SND1: variants seen among roughly 807,000 people sequenced by gnomAD.
SND1 encodes the protein staphylococcal nuclease and tudor domain containing 1.
Under a neutral mutation model 121.7 loss-of-function variants are expected in SND1, and 38 were observed. The observed-to-expected ratio is 0.31, with a 90% confidence interval of 0.24 to 0.41. The LOEUF is 0.41. Among genes scored for constraint, SND1 ranks in the 10% least tolerant of loss-of-function variants. The pLI is 1.00. For missense variants in SND1, 868 were observed against 1,184.6 expected, an observed-to-expected ratio of 0.73 and a Z score of 3.92; for synonymous variants, 401 against 447.4, an observed-to-expected ratio of 0.90 and a Z score of 1.31.
At chr7:127,673,905 T>A (rs567406460) in intron 1 of SND1, among the ~76,000 whole-genome samples, 11 of 152,336 alleles carry the variant, frequency 7.2e-5, no homozygotes, top group African/African-American at 1.7e-4. Context: ...CATATTGTAC[T>A]TTCCCTGCCG....
At chr7:127,701,122 G>A (rs777066832) in intron 4 of SND1, 41 bp from the exon 5 acceptor site, 1 of 1,605,628 alleles carries the variant, frequency 6.2e-7, no homozygotes, top group South Asian at 1.1e-5. Flanking sequence ...ATTTCTGTTT[G>A]TGAACTCACT....
intron 10 of SND1, among the ~76,000 whole-genome samples, chr7:127,795,618 T>C (rs950043217): frequency 6.6e-6 from 1 of 152,174 alleles, no homozygotes; most frequent in African/African-American, 2.4e-5. Context: ...ATAAGTAATA[T>C]AATTCATTAT....
chr7:128,007,176 A>G (rs905216261), intron 16 of SND1, among the ~76,000 whole-genome samples: 15 of 152,174 alleles, frequency 9.9e-5, no homozygotes, highest in Non-Finnish European at 7.3e-5. Context: ...GATCATTAAT[A>G]AACCATTCTG....
At chr7:127,729,181 C>T (rs918257283) in intron 10 of SND1, among the ~76,000 whole-genome samples, 5 of 152,120 alleles carry the variant, frequency 3.3e-5, no homozygotes, top group Non-Finnish European at 5.9e-5. Context: ...TCTTTCAGCA[C>T]CTCTACTCTG....
At chr7:127,702,110 T>G (rs1796115101) in intron 5 of SND1, among the ~76,000 whole-genome samples, 1 of 152,220 alleles carries the variant, frequency 6.6e-6, no homozygotes, top group South Asian at 2.1e-4. Context: ...TTACCAATCT[T>G]AAGTTACTAA....
chr7:127,761,449 A>G (rs1052105895), intron 10 of SND1, among the ~76,000 whole-genome samples: 4 of 151,304 alleles, frequency 2.6e-5, no homozygotes, highest in Non-Finnish European at 5.9e-5. Context: ...GTTAGCTGAG[A>G]AAGTATCAAC....
intron 11 of SND1, among the ~76,000 whole-genome samples, chr7:127,837,010 C>G (rs2116634102): frequency 6.6e-6 from 1 of 152,174 alleles, no homozygotes; most frequent in Non-Finnish European, 1.5e-5. Flanking sequence ...TGTGGCTTAT[C>G]TTTGTAATCT....
chr7:127,723,346 G>A (rs1796528552), intron 10 of SND1, among the ~76,000 whole-genome samples: 1 of 152,062 alleles, frequency 6.6e-6, no homozygotes, highest in Non-Finnish European at 1.5e-5. Flanking sequence ...AGAATTTCTT[G>A]TCTCTTACAA....
At chr7:128,018,442 G>A (rs1803274946) in intron 16 of SND1, among the ~76,000 whole-genome samples, 1 of 152,204 alleles carries the variant, frequency 6.6e-6, no homozygotes, top group Admixed American at 6.5e-5. Context: ...CCTTTGGCCA[G>A]GAAGGGCAGT....
At chr7:127,811,343 G>A (rs918741294) in intron 11 of SND1, among the ~76,000 whole-genome samples, 1 of 152,196 alleles carries the variant, frequency 6.6e-6, no homozygotes, top group Non-Finnish European at 1.5e-5. Context: ...CTTTTAGGGT[G>A]TGGAGATGGA....
At chr7:127,738,939 A>G (rs938308202) in intron 10 of SND1, among the ~76,000 whole-genome samples, 2 of 152,202 alleles carry the variant, frequency 1.3e-5, no homozygotes, top group Non-Finnish European at 2.9e-5. Flanking sequence ...CTTACGAGCC[A>G]GTAGAGGGCT....
At chr7:127,917,921 A>G (rs976503026) in intron 14 of SND1, among the ~76,000 whole-genome samples, 3 of 152,224 alleles carry the variant, frequency 2.0e-5, no homozygotes, top group Non-Finnish European at 4.4e-5. Flanking sequence ...ATGTAGAACA[A>G]TTAATTATAA....
chr7:128,078,949 G>A (rs540555953), intron 17 of SND1, among the ~76,000 whole-genome samples: 9 of 152,354 alleles, frequency 5.9e-5, no homozygotes, highest in South Asian at 2.1e-4. Flanking sequence ...AGCAGAGGAC[G>A]TGCTGAGGGA....
intron 15 of SND1, among the ~76,000 whole-genome samples, chr7:127,958,085 G>C (rs750244732): frequency 5.3e-5 from 8 of 152,306 alleles, no homozygotes; most frequent in African/African-American, 1.9e-4. Flanking sequence ...AGGCTAGGGG[G>C]CATGAGGATA....
chr7:127,968,879 A>G (rs62481453), intron 15 of SND1, among the ~76,000 whole-genome samples: 10,159 of 152,194 alleles, frequency 0.067, 429 homozygotes, highest in Middle Eastern at 0.19. Context: ...CAACTCCCCA[A>G]ATCCTTGGCT....
rs1043524356 is a variant in SND1, at chr7:128,085,940, C to T, written c.2304+160C>T. On this transcript the variant is annotated intron_variant, in intron 20 of 23. Coordinates refer to ENST00000354725, the MANE Select transcript of SND1 (RefSeq NM_014390.4). The surrounding 1 kb of genome is among the most constrained non-coding windows in gnomAD (Gnocchi z 4.4). ...GTAACAGGCCAGGCCCCCTCAGTGA[C>T]CTGGCAAAACTGGGGTCTATGACCA... 2.0e-5 allele frequency among the ~76,000 whole-genome samples: 3 copies of T among 152,144 alleles called. No individual in the cohort carries two copies. The highest frequency in any genetic ancestry group is 6.5e-5 in the Admixed American group (1 of 15,276).
chr7:127,748,455 T>C (rs1298316074), intron 10 of SND1, among the ~76,000 whole-genome samples: 1 of 152,184 alleles, frequency 6.6e-6, no homozygotes, highest in African/African-American at 2.4e-5. Context: ...TGGATCGGAA[T>C]TGCATCATTA....
chr7:128,058,149 A>T (rs951582441), intron 16 of SND1, among the ~76,000 whole-genome samples: 3 of 152,252 alleles, frequency 2.0e-5, no homozygotes, highest in African/African-American at 7.2e-5. Context: ...TAGGCAAACA[A>T]GCTGGGCTAT....
chr7:127,703,340 A>G lies in SND1; in HGVS notation c.840+17A>G, dbSNP rs1305244303. ...CTTCATCCAGTGAGTGTGTCTGTGC[A>G]GACTGGGTGGTGATGGGCTAGGGAT... is the stretch of plus-strand genomic sequence containing the variant. On this transcript the variant is annotated intron_variant, in intron 7 of 23. Coordinates refer to ENST00000354725, the MANE Select transcript of SND1 (RefSeq NM_014390.4). 1.9e-6 allele frequency: 3 copies of G among 1,613,240 alleles called. No homozygotes were observed. Among genetic ancestry groups the G allele is most frequent in the Admixed American group, 3.3e-5 (2 of 60,014 alleles).
Sources: gnomAD v4.1 joint callset for allele counts (sites outside exome capture counted in the v4.1 genomes callset) on GRCh38, gnomAD v4.1.1 for gene constraint, Gnocchi (gnomAD v3.1) non-coding constraint, MANE v1.5 for transcripts, NCBI Gene and HGNC (gene_info 2026-07-23, HGNC 2026-07-21) for gene names.